Variants in FER observed in about 807,000 individuals in gnomAD.
FER encodes tyrosine-protein kinase Fer.
In FER, 63 loss-of-function variants were observed where a neutral mutation model predicts 111.0. That is an observed-to-expected ratio of 0.57 (90% CI 0.46 to 0.70). The LOEUF (loss-of-function observed/expected upper bound fraction) is 0.70, where lower values mean the gene tolerates loss of function less well. Ranked by LOEUF, FER falls within the 30% of genes least tolerant of loss-of-function variation. The pLI is 0.00. For synonymous variants in FER, 327 were observed against 313.9 expected, an observed-to-expected ratio of 1.04 and a Z score of -0.44; for missense variants, 914 against 954.0, an observed-to-expected ratio of 0.96 and a Z score of 0.55.
intron 10 of FER, among the ~76,000 whole-genome samples, chr5:108,916,302 G>A (rs1475847680): frequency 6.6e-6 from 1 of 152,062 alleles, no homozygotes; most frequent in South Asian, 2.1e-4. Context: ...CAACAGCCTA[G>A]TATAAAATTT....
At chr5:109,013,397 G>A (rs1350526244) in intron 13 of FER, among the ~76,000 whole-genome samples, 11 of 151,728 alleles carry the variant, frequency 7.2e-5, no homozygotes, top group Admixed American at 6.6e-4. Flanking sequence ...TGTCCCTACA[G>A]AGGACATGAA....
At chr5:108,862,550 CAA>C (rs1423172983) in intron 5 of FER, among the ~76,000 whole-genome samples, 4 of 152,020 alleles carry the variant, frequency 2.6e-5, no homozygotes, top group African/African-American at 9.7e-5. Flanking sequence ...GTTAATATAA[CAA>C]AATAAAATTT....
chr5:108,809,415 A>T (rs1051586141), intron 3 of FER, among the ~76,000 whole-genome samples: 9 of 152,202 alleles, frequency 5.9e-5, no homozygotes, highest in African/African-American at 2.2e-4. Flanking sequence ...TTTCAACTCC[A>T]TAAGCTCTGA....
intron 13 of FER, among the ~76,000 whole-genome samples, chr5:108,971,795 A>C (rs1760700121): frequency 1.3e-5 from 2 of 152,160 alleles, no homozygotes; most frequent in African/African-American, 4.8e-5. Flanking sequence ...AAATACATTA[A>C]AAAGTTTAAA....
At chr5:109,101,494 G>T (rs1748232531) in intron 17 of FER, among the ~76,000 whole-genome samples, 1 of 151,912 alleles carries the variant, frequency 6.6e-6, no homozygotes, top group African/African-American at 2.4e-5. Flanking sequence ...GATCTCAATA[G>T]ATATTTTTGA....
intron 10 of FER, among the ~76,000 whole-genome samples, chr5:108,945,730 T>C (rs1458312591): frequency 1.3e-5 from 2 of 152,054 alleles, no homozygotes; most frequent in Non-Finnish European, 2.9e-5. Flanking sequence ...TTTTTCTTAT[T>C]TGAATTCCCT....
intron 16 of FER, chr5:109,051,738 C>A: frequency 1.3e-6 from 2 of 1,575,286 alleles, no homozygotes; most frequent in Non-Finnish European, 1.7e-6. Flanking sequence ...CGCTCTTTCC[C>A]TTAACCCAAT....
intron 4 of FER, among the ~76,000 whole-genome samples, chr5:108,833,341 C>T (rs1037947455): frequency 1.3e-5 from 2 of 152,178 alleles, no homozygotes; most frequent in East Asian, 1.9e-4. Context: ...ATTTTCCCTA[C>T]ATTCGGAGTC....
At chr5:108,879,363 A>C (rs1192955856) in intron 8 of FER, among the ~76,000 whole-genome samples, 1 of 151,972 alleles carries the variant, frequency 6.6e-6, no homozygotes, top group Non-Finnish European at 1.5e-5. Flanking sequence ...TCTCGCATGC[A>C]TTAACTATAT....
At chr5:109,114,378 T>G (rs541532953) in intron 17 of FER, among the ~76,000 whole-genome samples, 12 of 152,246 alleles carry the variant, frequency 7.9e-5, no homozygotes, top group Admixed American at 7.9e-4. Context: ...TAATATTTAA[T>G]AAAGATATTA....
At chr5:108,826,939 T>C (rs1759535228) in intron 3 of FER, among the ~76,000 whole-genome samples, 2 of 152,172 alleles carry the variant, frequency 1.3e-5, no homozygotes, top group Non-Finnish European at 2.9e-5. Flanking sequence ...TTATGGTGGT[T>C]TTAGAAACTT....
rs1386931613 is a variant in FER at position 109,196,501 on chromosome 5, T to C, written c.*8926T>C. On this transcript the variant is annotated 3_prime_UTR_variant, in exon 20 of 20. Transcript: ENST00000281092. ...TCAGTGTAAAACACAAACAAGGCTT[T>C]GGCGGGTTTATCTGGCTTTATAAAC... 1 of 152,216 alleles carries C rather than the reference T, an allele frequency of 6.6e-6. No individual in the cohort carries two copies. Among genetic ancestry groups the C allele is most frequent in the Non-Finnish European group, 1.5e-5 (1 of 68,026 alleles). 9.4% of individuals were successfully genotyped at this position (152,216 alleles called of 1,614,324 possible).
intron 17 of FER, among the ~76,000 whole-genome samples, chr5:109,179,960 G>A (rs1037157342): frequency 5.9e-5 from 9 of 152,272 alleles, no homozygotes; most frequent in Middle Eastern, 3.4e-3. Flanking sequence ...AAGAGAGAGC[G>A]TTTGGGCTAA....
intron 16 of FER, among the ~76,000 whole-genome samples, 198 bp downstream of exon 16, chr5:109,047,396 C>G (rs1316672967): frequency 1.3e-5 from 2 of 152,112 alleles, no homozygotes; most frequent in Non-Finnish European, 2.9e-5. Flanking sequence ...AAAATGTCAA[C>G]TGCTTTTTTA....
intron 17 of FER, among the ~76,000 whole-genome samples, chr5:109,151,316 A>G (rs1754823487): frequency 6.6e-6 from 1 of 152,094 alleles, no homozygotes. Context: ...GAAAAATTAG[A>G]TTTTCTGCTT....
chr5:109,111,819 C>G (rs1000050888), intron 17 of FER, among the ~76,000 whole-genome samples: 1 of 152,100 alleles, frequency 6.6e-6, no homozygotes, highest in African/African-American at 2.4e-5. Context: ...GATCCAATCA[C>G]CTCCCATCAG....
intron 13 of FER, among the ~76,000 whole-genome samples, chr5:109,005,129 T>C (rs1765332915): frequency 6.6e-6 from 1 of 152,006 alleles, no homozygotes; most frequent in Non-Finnish European, 1.5e-5. Context: ...GGGCTGCCCA[T>C]GACGAGATGA....
At chr5:109,009,044 C>CTTTTTTTTTTTTTT (rs1030906789) in intron 13 of FER, among the ~76,000 whole-genome samples, 1 of 116,014 alleles carries the variant, frequency 8.6e-6, no homozygotes, top group African/African-American at 3.3e-5. Context: ...CCTCTTCAGT[C>CTTTTTTTTTTTTTT]TTTTTTTTTT....
intron 1 of FER, among the ~76,000 whole-genome samples, chr5:108,758,480 G>C (rs1455627818): frequency 6.6e-6 from 1 of 152,192 alleles, no homozygotes; most frequent in Non-Finnish European, 1.5e-5. Context: ...GAAACTAGAA[G>C]TATATTCTCT....
Sources: allele counts gnomAD v4.1 joint callset (sites outside exome capture counted in the v4.1 genomes callset), GRCh38; gene constraint gnomAD v4.1.1; transcripts MANE v1.5; gene names NCBI Gene and HGNC (gene_info 2026-07-23, HGNC 2026-07-21).